KSR1: variants seen among roughly 807,000 people sequenced by gnomAD.
KSR1 encodes kinase suppressor of ras 1, also known as kinase suppressor of ras.
A neutral mutation model predicts 92.9 loss-of-function variants in KSR1; 35 were observed. That is an observed-to-expected ratio of 0.38 (90% CI 0.29 to 0.50). The LOEUF (loss-of-function observed/expected upper bound fraction) is 0.50. Ranked by LOEUF, KSR1 falls within the 20% of genes least tolerant of loss-of-function variation. KSR1 has a pLI of 0.94. For synonymous variants in KSR1, 467 were observed against 472.6 expected, an observed-to-expected ratio of 0.99 and a Z score of 0.15; for missense variants, 972 against 1,158.5, an observed-to-expected ratio of 0.84 and a Z score of 2.34.
In KSR1 at chr17:27,510,333, C is replaced by T. The variant is rs181089476; in HGVS notation, c.232-40235C>T. Among the ~76,000 whole-genome samples the T allele has an allele frequency of 8.2e-4, 95 of 115,716 alleles. 1 individual carries two copies. Among genetic ancestry groups the T allele is most frequent in the African/African-American group, 3.1e-3 (94 of 30,804 alleles). The allele number at this position is 115,716 out of a possible 152,430, so 75.9% of individuals were successfully genotyped here. ...TGGCACGTCACTTCACCTCAATGAG[C>T]CTCAGTTTCCCTCATCTCTAAAAGG... On this transcript the variant is annotated intron_variant, in intron 1 of 20. Transcript: ENST00000644974.
At chr17:27,461,758 A>G (rs1212412073) in intron 1 of KSR1, among the ~76,000 whole-genome samples, 1 of 144,112 alleles carries the variant, frequency 6.9e-6, no homozygotes, top group Non-Finnish European at 1.6e-5. Context: ...TGCTGCCTGC[A>G]GCTATGGGAA....
chr17:27,500,732 T>A (rs1013210619), intron 1 of KSR1, among the ~76,000 whole-genome samples: 1 of 151,840 alleles, frequency 6.6e-6, no homozygotes, highest in African/African-American at 2.4e-5. Context: ...GGGTGCAGAG[T>A]TATGAGAAAT....
chr17:27,487,684 C>T (rs992012648), intron 1 of KSR1, among the ~76,000 whole-genome samples: 4 of 151,376 alleles, frequency 2.6e-5, no homozygotes, highest in Non-Finnish European at 5.9e-5. Flanking sequence ...TTAGAGGCGG[C>T]GTCTCACCCT....
intron 17 of KSR1, 65 bp downstream of exon 17, chr17:27,610,263 G>A: frequency 1.2e-6 from 2 of 1,604,492 alleles, no homozygotes; most frequent in South Asian, 1.1e-5. Flanking sequence ...GTGGCCATTG[G>A]GGGCAGAGGG....
At chr17:27,477,605 T>C (rs1040131831) in intron 1 of KSR1, among the ~76,000 whole-genome samples, 1 of 152,170 alleles carries the variant, frequency 6.6e-6, no homozygotes, top group Non-Finnish European at 1.5e-5. Flanking sequence ...AACGGTGATG[T>C]ATAGACCCCT....
Position 27,584,082 on chromosome 17 carries a change from G to T in KSR1, c.980+977G>T, listed in dbSNP as rs1320421999. 4 of 617,634 alleles carry T rather than the reference G, an allele frequency of 6.5e-6. No homozygotes were observed. In the African/African-American group the frequency reaches 8.0e-5, roughly 12 times the overall value. The allele number at this position is 617,634 out of a possible 1,614,324, so 38.3% of individuals were successfully genotyped here. On this transcript the variant is annotated intron_variant, in intron 4 of 20. Coordinates refer to ENST00000644974, the MANE Select transcript of KSR1 (RefSeq NM_001394583.1). The stretch of plus-strand genomic sequence containing the variant: ...TTTGTTACAAAGATTGCCCTTGTCA[G>T]TATACCCTTGGCAGCACAGAAAGAA...
At chr17:27,464,388 C>T (rs2019581882) in intron 1 of KSR1, among the ~76,000 whole-genome samples, 1 of 152,114 alleles carries the variant, frequency 6.6e-6, no homozygotes, top group South Asian at 2.1e-4. Flanking sequence ...ACCAAAAGAT[C>T]CCCTGGAAAT....
Position 27,459,676 on chromosome 17 carries a change from C to T in KSR1, c.231+2802C>T, listed in dbSNP as rs1390849784. On this transcript the variant is annotated intron_variant, in intron 1 of 20. Coordinates refer to ENST00000644974, the MANE Select transcript of KSR1 (RefSeq NM_001394583.1). This position sits in a 1 kb window ranked among gnomAD's most constrained non-coding sequence, Gnocchi z 4.6. ...GAGGGCTTGGCCTGTGCAACTGCAT[C>T]GGACTTATCTAGAATCTGAGGAGCC... 2.0e-5 allele frequency among the ~76,000 whole-genome samples: 3 copies of T among 152,208 alleles called. No individual in the cohort carries two copies. The highest frequency in any genetic ancestry group is 7.2e-5 in the African/African-American group (3 of 41,452).
chr17:27,569,570 G>C (rs1325265110), intron 2 of KSR1, among the ~76,000 whole-genome samples: 1 of 152,244 alleles, frequency 6.6e-6, no homozygotes, highest in Non-Finnish European at 1.5e-5. Flanking sequence ...GTAGAGCCTT[G>C]TGAACTAAGA....
At chr17:27,601,990 A>C in intron 11 of KSR1, 1 of 1,530,454 alleles carries the variant, frequency 6.5e-7, no homozygotes, top group Non-Finnish European at 8.9e-7. Flanking sequence ...CTTCTGCAAA[A>C]GTTGTTTTCT....
chr17:27,544,186 T>C (rs2071077567), intron 1 of KSR1, among the ~76,000 whole-genome samples: 1 of 152,196 alleles, frequency 6.6e-6, no homozygotes, highest in Non-Finnish European at 1.5e-5. Context: ...TTAGATCCCA[T>C]GGCTATGTTC....
intron 1 of KSR1, among the ~76,000 whole-genome samples, chr17:27,498,956 G>A (rs2069086323): frequency 1.3e-5 from 2 of 152,294 alleles, no homozygotes; most frequent in Non-Finnish European, 2.9e-5. Context: ...CCTCAGATCT[G>A]AGTTAGGTTT....
At chr17:27,565,237 TTC>T (rs2072016371) in intron 2 of KSR1, among the ~76,000 whole-genome samples, 1 of 152,202 alleles carries the variant, frequency 6.6e-6, no homozygotes, top group African/African-American at 2.4e-5. Context: ...TTTGCTAGGC[TTC>T]TCTTTTTCTT....
chr17:27,609,319 C>T lies in KSR1; in HGVS notation c.2215C>T (p.Arg739Ter). ...GCTGTTTGGGATCTCAGGCGTGGTC[C>T]GAGAGGGACGGTGAGTTGGTCTTGA... ...FGLFGISGVV[R>*]EGRRENQLKL... is the part of the protein sequence containing the mutation. The change falls in exon 16 of 21, where the codon CGA becomes TGA. Residue 739 changes from arginine (R) to a stop codon, truncating the protein, a stop_gained. Coordinates refer to ENST00000644974, the MANE Select transcript of KSR1 (RefSeq NM_001394583.1). LOFTEE classifies it high-confidence loss of function. 6.2e-7 allele frequency: 1 copy of T among 1,613,684 alleles called. No homozygotes were observed. Among genetic ancestry groups the T allele is most frequent in the Non-Finnish European group, 8.5e-7 (1 of 1,179,756 alleles).
chr17:27,491,083 A>G (rs958878104), intron 1 of KSR1, among the ~76,000 whole-genome samples: 1 of 152,120 alleles, frequency 6.6e-6, no homozygotes, highest in Non-Finnish European at 1.5e-5. Flanking sequence ...ACACACACAT[A>G]CACACATATA....
intron 4 of KSR1, among the ~76,000 whole-genome samples, chr17:27,584,893 G>A (rs1201519900): frequency 6.6e-6 from 1 of 152,158 alleles, no homozygotes; most frequent in Non-Finnish European, 1.5e-5. Flanking sequence ...CTGCACAGCT[G>A]TTATCTCTGC....
intron 14 of KSR1, 24 bp downstream of exon 14, chr17:27,605,837 G>A (rs907551150): frequency 6.2e-7 from 1 of 1,610,446 alleles, no homozygotes; most frequent in African/African-American, 1.3e-5. Context: ...AGGACCTCAT[G>A]CTGGATGGCC....
intron 20 of KSR1, chr17:27,621,960 G>T (rs1461800588): frequency 6.2e-7 from 1 of 1,612,494 alleles, no homozygotes; most frequent in Non-Finnish European, 8.5e-7. Context: ...CATGCACCAG[G>T]GGCTTTCTTC....
chr17:27,524,128 G>T (rs2151026219), intron 1 of KSR1, among the ~76,000 whole-genome samples: 1 of 152,216 alleles, frequency 6.6e-6, no homozygotes, highest in Admixed American at 6.5e-5. Context: ...AAATTGGGAG[G>T]CATAAGCGTG....
Sources: gnomAD v4.1 joint callset for allele counts (sites outside exome capture counted in the v4.1 genomes callset) on GRCh38, gnomAD v4.1.1 for gene constraint, Gnocchi (gnomAD v3.1) non-coding constraint, MANE v1.5 for transcripts, NCBI Gene and HGNC (gene_info 2026-07-23, HGNC 2026-07-21) for gene names.